STAG1: variants seen among roughly 807,000 people sequenced by gnomAD.
STAG1 encodes the protein cohesin subunit SA-1.
STAG1 carries 26 observed loss-of-function variants against 170.9 expected under a neutral mutation model. That is an observed-to-expected ratio of 0.15 (90% CI 0.11 to 0.21). The LOEUF is 0.21. Among genes scored for constraint, STAG1 ranks in the 10% least tolerant of loss-of-function variants. STAG1 has a pLI of 1.00. For missense variants in STAG1, 964 were observed against 1,509.5 expected (o/e 0.64, Z 5.99); for synonymous variants, 514 against 497.7 (o/e 1.03, Z -0.44).
intron 3 of STAG1, among the ~76,000 whole-genome samples, chr3:136,622,468 T>C (rs1241167891): frequency 6.6e-6 from 1 of 152,160 alleles, no homozygotes; most frequent in Non-Finnish European, 1.5e-5. Flanking sequence ...GGTCATGATT[T>C]GATAAATGCT....
At chr3:136,658,473 A>G (rs1374114551) in intron 1 of STAG1, among the ~76,000 whole-genome samples, 2 of 152,212 alleles carry the variant, frequency 1.3e-5, no homozygotes, top group Non-Finnish European at 2.9e-5. Context: ...AAACCAAAAA[A>G]CCAAATATAA....
chr3:136,577,987 G>A (rs924453316), intron 4 of STAG1, among the ~76,000 whole-genome samples: 4 of 152,138 alleles, frequency 2.6e-5, no homozygotes, highest in African/African-American at 7.2e-5. Context: ...GACAGATTAG[G>A]GAGTTAGGAA....
intron 4 of STAG1, among the ~76,000 whole-genome samples, chr3:136,599,848 AG>A (rs1938589300): frequency 6.6e-6 from 1 of 152,210 alleles, no homozygotes; most frequent in African/African-American, 2.4e-5. Flanking sequence ...TGTATAAGAC[AG>A]AATTTCTTCT....
At chr3:136,535,007 C>T (rs1935551932) in intron 6 of STAG1, among the ~76,000 whole-genome samples, 1 of 152,176 alleles carries the variant, frequency 6.6e-6, no homozygotes, top group East Asian at 1.9e-4. Context: ...AAGTGTCCAT[C>T]AATAGATGAA....
At chr3:136,751,153 TTTTTTTATGACAAA>T (rs1223180572) in intron 1 of STAG1, among the ~76,000 whole-genome samples, 1 of 151,944 alleles carries the variant, frequency 6.6e-6, no homozygotes, top group Non-Finnish European at 1.5e-5. Flanking sequence ...GCAAATAATT[TTTTTTTATGACAAA>T]TTGCGTTTTT....
chr3:136,673,542 C>T (rs1488916121), intron 1 of STAG1, among the ~76,000 whole-genome samples: 1 of 152,096 alleles, frequency 6.6e-6, no homozygotes, highest in East Asian at 1.9e-4. Flanking sequence ...GTTTGAAAAA[C>T]TGTAATAAAA....
At chr3:136,589,928 C>T (rs539082977) in intron 4 of STAG1, among the ~76,000 whole-genome samples, 8 of 151,818 alleles carry the variant, frequency 5.3e-5, no homozygotes, top group Non-Finnish European at 7.4e-5. Flanking sequence ...GAGATTCCAT[C>T]TCAAAAAATA....
At chr3:136,468,279 A>G (rs2089526846) in intron 12 of STAG1, among the ~76,000 whole-genome samples, 2 of 152,172 alleles carry the variant, frequency 1.3e-5, no homozygotes, top group African/African-American at 2.4e-5. Context: ...TAAAGAAGAA[A>G]AGAGAGAAGA....
chr3:136,506,251 G>C (rs919182486), intron 7 of STAG1, among the ~76,000 whole-genome samples: 5 of 152,106 alleles, frequency 3.3e-5, no homozygotes, highest in African/African-American at 1.2e-4. Context: ...TTAGGTTTTT[G>C]CCTTTGGCAA....
intron 21 of STAG1, among the ~76,000 whole-genome samples, chr3:136,410,174 C>G (rs899910339): frequency 6.6e-6 from 1 of 151,474 alleles, no homozygotes; most frequent in African/African-American, 2.4e-5. Flanking sequence ...CCAAGGCAGG[C>G]AGATCACCTG....
chr3:136,667,957 G>A (rs546409370), intron 1 of STAG1, among the ~76,000 whole-genome samples: 3 of 152,160 alleles, frequency 2.0e-5, no homozygotes, highest in Admixed American at 6.5e-5. Flanking sequence ...GGAAGCTGAG[G>A]CAGGCGGATT....
intron 5 of STAG1, among the ~76,000 whole-genome samples, chr3:136,564,963 G>GAGGAAGGA (rs546552313): frequency 0.08 from 3,005 of 37,594 alleles, 571 homozygotes; most frequent in Non-Finnish European, 0.095. Flanking sequence ...ACATGTGTAT[G>GAGGAAGGA]AGGAAGGAAG....
chr3:136,500,324 A>C (rs774220002), intron 8 of STAG1, 28 bp from the exon 9 acceptor site: 4 of 1,431,402 alleles, frequency 2.8e-6, no homozygotes, highest in Non-Finnish European at 3.9e-6. Flanking sequence ...ATATAAGTTG[A>C]AATCCTGATC....
intron 6 of STAG1, among the ~76,000 whole-genome samples, chr3:136,528,831 G>A (rs903718773): frequency 5.9e-5 from 9 of 151,858 alleles, no homozygotes; most frequent in African/African-American, 1.7e-4. Context: ...TTGGGAGGCT[G>A]AAGTGGGAGA....
At chr3:136,614,013 G>A (rs1386751689) in intron 3 of STAG1, among the ~76,000 whole-genome samples, 3 of 152,018 alleles carry the variant, frequency 2.0e-5, no homozygotes, top group East Asian at 1.9e-4. Flanking sequence ...TCAGGAGTTT[G>A]AGACCGGCCT....
intron 9 of STAG1, among the ~76,000 whole-genome samples, chr3:136,488,050 G>C (rs1280486862): frequency 1.3e-5 from 2 of 152,208 alleles, no homozygotes; most frequent in African/African-American, 4.8e-5. Context: ...GTAATCTTAT[G>C]AGAGATCTAA....
intron 1 of STAG1, among the ~76,000 whole-genome samples, chr3:136,678,436 T>G: frequency 6.6e-6 from 1 of 151,728 alleles, no homozygotes; most frequent in Non-Finnish European, 1.5e-5. Flanking sequence ...GATGGCTTAA[T>G]TTTTTTAAGT....
At chr3:136,687,939 G>A (rs368611192) in intron 1 of STAG1, among the ~76,000 whole-genome samples, 2 of 152,018 alleles carry the variant, frequency 1.3e-5, no homozygotes, top group East Asian at 3.9e-4. Flanking sequence ...GTTTCACCAT[G>A]TTAGCCAGGA....
chr3:136,375,865 G>A (rs926252558), intron 23 of STAG1, among the ~76,000 whole-genome samples: 22 of 151,704 alleles, frequency 1.5e-4, no homozygotes, highest in Admixed American at 7.9e-4. Flanking sequence ...AGATACTTGG[G>A]AGGCTGAGAC....
Sources: allele counts gnomAD v4.1 joint callset (sites outside exome capture counted in the v4.1 genomes callset), GRCh38; gene constraint gnomAD v4.1.1; transcripts MANE v1.5; gene names NCBI Gene and HGNC (gene_info 2026-07-23, HGNC 2026-07-21).